Variants in SUN1 observed in about 807,000 individuals in gnomAD.
SUN1 encodes the protein Sad1 and UNC84 domain containing 1, also known as SUN domain-containing protein 1.
SUN1 carries 61 observed loss-of-function variants against 103.2 expected under a neutral mutation model. The ratio of observed to expected loss-of-function variants is 0.59; its 90% CI spans 0.48 to 0.73. The LOEUF (loss-of-function observed/expected upper bound fraction) is 0.73. Ranked by LOEUF, SUN1 falls within the 30% of genes least tolerant of loss-of-function variation. The pLI is 0.00. For missense variants in SUN1, 1,052 were observed against 1,034.6 expected, an observed-to-expected ratio of 1.02 and a Z score of -0.23; for synonymous variants, 490 against 425.7, an observed-to-expected ratio of 1.15 and a Z score of -1.86.
At chr7:817,758 A>G (rs1343203211) in intron 1 of SUN1, among the ~76,000 whole-genome samples, 4 of 152,118 alleles carry the variant, frequency 2.6e-5, no homozygotes, top group Admixed American at 2.6e-4. Context: ...TGGACACTTG[A>G]TAGTTTTTTG....
intron 1 of SUN1, among the ~76,000 whole-genome samples, chr7:823,215 TC>T (rs1213072200): frequency 3.3e-5 from 5 of 152,222 alleles, no homozygotes; most frequent in African/African-American, 1.2e-4. Flanking sequence ...GAGGCACAGT[TC>T]CTGCCGTCAC....
At chr7:869,137 TA>T in intron 16 of SUN1, 1 of 604,650 alleles carries the variant, frequency 1.7e-6, no homozygotes, top group Non-Finnish European at 2.9e-6. Flanking sequence ...CTGGTCGTTT[TA>T]ACTTTTATAC....
chr7:849,463 G>A, intron 5 of SUN1: 3 of 1,273,102 alleles, frequency 2.4e-6, no homozygotes, highest in Non-Finnish European at 2.1e-6. Context: ...CAGGGTGCGA[G>A]AAGCACTTGA....
chr7:858,047 TTTTA>T (rs577606332), intron 13 of SUN1, 90 bp downstream of exon 13: 46 of 1,377,226 alleles, frequency 3.3e-5, no homozygotes, highest in East Asian at 5.2e-5. Flanking sequence ...CTGTTTAATT[TTTTA>T]TTTATTTATT....
chr7:833,717 C>CGAT (rs1800096424), intron 1 of SUN1, among the ~76,000 whole-genome samples: 2 of 152,174 alleles, frequency 1.3e-5, no homozygotes, highest in Admixed American at 1.3e-4. Context: ...AGCTCACATT[C>CGAT]GATGATCGAG....
chr7:836,305 C>T lies in SUN1; in HGVS notation c.78-2493C>T, dbSNP rs79593091. Among the ~76,000 whole-genome samples, 147 of 152,206 alleles carry T rather than the reference C, an allele frequency of 9.7e-4. 2 individuals carry two copies. The highest frequency in any genetic ancestry group is 3.1e-3 in the African/African-American group (130 of 41,520). On this transcript the variant is annotated intron_variant, in intron 1 of 18. Coordinates refer to ENST00000401592, the MANE Select transcript of SUN1 (RefSeq NM_001130965.3). ...GCTTGGCTCGGGATTACTTTTCCAT[C>T]GCAGCAGGCAGGAAGGGTGTGTCAG...
At chr7:869,245 TA>T in intron 16 of SUN1, 103 bp from the exon 17 acceptor site, 1 of 1,425,356 alleles carries the variant, frequency 7.0e-7, no homozygotes, top group Non-Finnish European at 9.4e-7. Flanking sequence ...TTCTACCATG[TA>T]AAACTTATTT....
chr7:872,557 G>A lies in SUN1; in HGVS notation c.2236G>A (p.Ala746Thr), dbSNP rs1221447606. Reference sequence around the variant, plus strand: ...TGGGGAGTCGCTCCAGATGTTCCAGGCCCTGGTAAGAACTGGGACTGGCAC... The same window carrying A: ...TGGGGAGTCGCTCCAGATGTTCCAGACCCTGGTAAGAACTGGGACTGGCAC... Reference protein sequence around the residue: ...QDGESLQMFQALKRPDDTAFQ... With the variant: ...QDGESLQMFQTLKRPDDTAFQ... Residue 746 changes from alanine (A) to threonine (T), a missense_variant, in exon 18 of 19, where the codon GCC (alanine) becomes ACC (threonine). By Grantham distance (58) the Ala-to-Thr change is moderately conservative. Around this residue, in one of 2 missense-constraint regions of SUN1, gnomAD observed 206 missense variants for 260.1 expected, o/e 0.79. Coordinates refer to ENST00000401592, the MANE Select transcript of SUN1 (RefSeq NM_001130965.3). 1 of 1,583,194 alleles carries A rather than the reference G, an allele frequency of 6.3e-7. No homozygotes were observed. Among genetic ancestry groups the A allele is most frequent in the East Asian group, 2.3e-5 (1 of 43,750 alleles).
intron 2 of SUN1, among the ~76,000 whole-genome samples, chr7:841,139 G>A (rs1462308348): frequency 1.3e-5 from 2 of 151,496 alleles, no homozygotes; most frequent in African/African-American, 4.9e-5. Flanking sequence ...CTCCATGTTG[G>A]TCAGGCTGGT....
Position 854,963 on chromosome 7 carries a change from C to A in SUN1, c.1307C>A (p.Ser436Ter), listed in dbSNP as rs1442882053. The change falls in exon 11 of 19, where the codon TCA becomes TAA. Residue 436 changes from serine (S) to a stop codon, truncating the protein, a stop_gained. Transcript: ENST00000401592. LOFTEE classifies it high-confidence loss of function. ...CACCAAGAACATGAAGTGCGTATGTCACACTTGGAAGATATTCTGGGAAAA... is the reference window on the plus strand; with the variant it reads ...CACCAAGAACATGAAGTGCGTATGTAACACTTGGAAGATATTCTGGGAAAA... ...AFHQEHEVRM[S>*]HLEDILGKLR... 1 of 1,613,652 alleles carries A rather than the reference C, an allele frequency of 6.2e-7. No individual in the cohort carries two copies. The highest frequency in any genetic ancestry group is 8.5e-7 in the Non-Finnish European group (1 of 1,179,884).
Position 842,017 on chromosome 7 carries a change from C to T in SUN1, c.338C>T (p.Ser113Phe). ...AACCACGTGTCAAGGCAGGTCACGT[C>T]CTCTGGCGTCAGCCACGGCGGCACT... ...SINHVSRQVT[S>F]SGVSHGGTVS... Residue 113 changes from serine (S) to phenylalanine (F), a missense_variant, in exon 3 of 19, where the codon TCC becomes TTC. Physicochemically the swap from Ser to Phe is radical, Grantham distance 155. Coordinates refer to ENST00000401592, the MANE Select transcript of SUN1 (RefSeq NM_001130965.3). The T allele has an allele frequency of 1.2e-6, 2 of 1,614,186 alleles. No individual in the cohort carries two copies. The highest frequency in any genetic ancestry group is 2.2e-5 in the South Asian group (2 of 91,078).
intron 16 of SUN1, 106 bp from the exon 17 acceptor site, chr7:869,243 T>C: frequency 7.2e-7 from 1 of 1,396,928 alleles, no homozygotes; most frequent in Non-Finnish European, 9.6e-7. Flanking sequence ...GTTTCTACCA[T>C]GTAAAACTTA....
chr7:848,923 C>T (rs1282014779), intron 5 of SUN1, among the ~76,000 whole-genome samples: 1 of 152,190 alleles, frequency 6.6e-6, no homozygotes, highest in Non-Finnish European at 1.5e-5. Context: ...AAAACTTTAC[C>T]TGAGTGGTAT....
chr7:851,924 A>C, intron 6 of SUN1, 26 bp from the exon 7 acceptor site: 1 of 1,606,778 alleles, frequency 6.2e-7, no homozygotes, highest in Non-Finnish European at 8.5e-7. Flanking sequence ...ACATTTCCTT[A>C]GAATGTTTGG....
chr7:843,680 C>T, intron 5 of SUN1, 160 bp downstream of exon 5: 1 of 1,474,116 alleles, frequency 6.8e-7, no homozygotes, highest in Non-Finnish European at 9.0e-7. Context: ...CCTTCCTGTC[C>T]TCTTCTAGTT....
intron 1 of SUN1, among the ~76,000 whole-genome samples, chr7:837,782 G>T (rs1404375801): frequency 6.6e-5 from 10 of 152,240 alleles, no homozygotes. Flanking sequence ...CTCCTGCAGG[G>T]CTCTGGGCAT....
Position 866,005 on chromosome 7 carries a change from C to T in SUN1, c.1918C>T (p.Leu640=). The stretch of plus-strand genomic sequence containing the variant: ...TGAAACTTACGAAACCAAAACGGCG[C>T]TGATGAGTCTGTTTGGGATCCCGCT... The part of the protein sequence containing the change: ...CSETYETKTA[L]MSLFGIPLWY... Residue 640 remains leucine (L), a synonymous_variant, in exon 16 of 19, where the codon CTG becomes TTG. Coordinates refer to ENST00000401592, the MANE Select transcript of SUN1 (RefSeq NM_001130965.3). 2.5e-6 allele frequency: 4 copies of T among 1,614,160 alleles called. No individual in the cohort carries two copies. The highest frequency in any genetic ancestry group is 2.5e-6 in the Non-Finnish European group (3 of 1,180,026).
upstream of SUN1, among the ~76,000 whole-genome samples, chr7:831,378 TCTC>T (rs1420664360): frequency 1.3e-5 from 2 of 151,804 alleles, no homozygotes; most frequent in Non-Finnish European, 2.9e-5. Context: ...TTCATGCCAT[TCTC>T]CTGCCTCAGC....
At chr7:861,094 G>A (rs758051526) in intron 14 of SUN1, among the ~76,000 whole-genome samples, 1 of 152,122 alleles carries the variant, frequency 6.6e-6, no homozygotes, top group East Asian at 1.9e-4. Context: ...TGCTTTATTC[G>A]TGTTTTATGG....
Sources: gnomAD v4.1 joint callset for allele counts (sites outside exome capture counted in the v4.1 genomes callset) on GRCh38, gnomAD v4.1.1 for gene constraint, gnomAD v4.1.1 regional missense constraint, MANE v1.5 for transcripts, NCBI Gene and HGNC (gene_info 2026-07-23, HGNC 2026-07-21) for gene names.